PMM2: variants seen among roughly 807,000 people sequenced by gnomAD.
PMM2 encodes mannose-6-phosphate isomerase.
PMM2 carries 35 observed loss-of-function variants against 33.2 expected under a neutral mutation model. The observed-to-expected ratio is 1.06, with a 90% CI of 0.81 to 1.40. PMM2 has a LOEUF of 1.40. Among genes scored for constraint, PMM2 ranks in the 40% most tolerant of loss-of-function variants. The pLI is 0.00. For synonymous variants in PMM2, 153 were observed against 114.7 expected (o/e 1.33, Z -2.13); for missense variants, 386 against 306.0 (o/e 1.26, Z -1.95).
intron 7 of PMM2, among the ~76,000 whole-genome samples, chr16:8,845,055 C>T (rs1438449358): frequency 1.3e-5 from 2 of 152,182 alleles, no homozygotes; most frequent in Admixed American, 1.3e-4. Flanking sequence ...GAAGAGACCA[C>T]CAAACAGGCT....
At chr16:8,812,952 T>C in intron 6 of PMM2, 39 bp from the exon 7 acceptor site, 1 of 1,134,928 alleles carries the variant, frequency 8.8e-7, no homozygotes, top group African/African-American at 1.5e-5. Flanking sequence ...AGCCCCTTTT[T>C]CACCTTTTGC....
intron 7 of PMM2, among the ~76,000 whole-genome samples, chr16:8,830,528 T>C (rs929417031): frequency 1.3e-5 from 2 of 151,990 alleles, no homozygotes; most frequent in East Asian, 3.9e-4. Flanking sequence ...GGGGTAGAAG[T>C]GAGTTTTTCT....
intron 1 of PMM2, among the ~76,000 whole-genome samples, 178 bp from the exon 2 acceptor site, chr16:8,801,621 A>G (rs1197953606): frequency 1.3e-5 from 2 of 152,198 alleles, no homozygotes; most frequent in Non-Finnish European, 2.9e-5. Context: ...GCGATGAGCT[A>G]TGACCATGCC....
chr16:8,811,182 C>T lies in PMM2; in HGVS notation c.447+4C>T, dbSNP rs537238935. The T allele has an allele frequency of 3.6e-5, 55 of 1,533,312 alleles. No homozygotes were observed. The East Asian group carries it at 1.1e-3, about 31-fold the overall frequency. The allele number at this position is 1,533,312 out of a possible 1,614,324, so 95.0% of individuals were successfully genotyped here. A position where few individuals can be genotyped will look rare whatever the true frequency, so the allele number is the denominator to read the frequency against. ...TGAGTTCTACGAACTCGATAAAGTA[C>T]GTCTTTCTGAAATATCTTTGGTGAA... On this transcript the variant is annotated splice_donor_region_variant and intron_variant, in intron 5 of 7. Transcript: ENST00000268261.
intron 7 of PMM2, among the ~76,000 whole-genome samples, chr16:8,844,114 G>A (rs2673866): frequency 0.47 from 71,055 of 151,878 alleles, 17,083 homozygotes; most frequent in African/African-American, 0.56. Flanking sequence ...TGAAAGTGCC[G>A]TTTTCTGGCT....
intron 7 of PMM2, among the ~76,000 whole-genome samples, chr16:8,826,300 A>C (rs145074250): frequency 2.0e-5 from 3 of 152,326 alleles, no homozygotes; most frequent in African/African-American, 7.2e-5. Flanking sequence ...TCTCTTTTAA[A>C]AAAACCCATA....
chr16:8,803,678 A>T (rs1243259862), intron 2 of PMM2, among the ~76,000 whole-genome samples: 2 of 152,094 alleles, frequency 1.3e-5, no homozygotes, highest in African/African-American at 4.8e-5. Flanking sequence ...AGCTTTTTTT[A>T]AAATTTATTT....
rs536124938 is a variant in PMM2 at position 8,847,714 on chromosome 16, G to A, written c.640-10G>A. On this transcript the variant is annotated splice_polypyrimidine_tract_variant and intron_variant, in intron 7 of 7. Coordinates refer to ENST00000268261, the MANE Select transcript of PMM2 (RefSeq NM_000303.3). ...GGGGGAGCCTTCATCTGTACTTCGT[G>A]TCTTTCCAGGGTGGCAATGACCATG... is the stretch of plus-strand genomic sequence containing the variant. 1.2e-6 allele frequency: 2 copies of A among 1,604,688 alleles called. No homozygotes were observed. The highest frequency in any genetic ancestry group is 1.3e-5 in the African/African-American group (1 of 74,864).
intron 7 of PMM2, among the ~76,000 whole-genome samples, chr16:8,817,463 A>G (rs1371158694): frequency 6.6e-6 from 1 of 152,234 alleles, no homozygotes; most frequent in Non-Finnish European, 1.5e-5. Context: ...TTGTTCTGTA[A>G]TGATGACATT....
intron 7 of PMM2, among the ~76,000 whole-genome samples, chr16:8,844,159 A>G (rs2060908447): frequency 1.3e-5 from 2 of 152,212 alleles, no homozygotes; most frequent in South Asian, 2.1e-4. Flanking sequence ...ATTGGGGTCA[A>G]GCGGCATTGC....
intron 7 of PMM2, among the ~76,000 whole-genome samples, chr16:8,845,125 A>G (rs557310065): frequency 1.9e-4 from 29 of 152,338 alleles, no homozygotes; most frequent in Non-Finnish European, 3.7e-4. Context: ...GTCCGAAAAG[A>G]GAGTCGGCAA....
intron 5 of PMM2, 31 bp from the exon 6 acceptor site, chr16:8,811,607 G>T (rs1410916227): frequency 1.4e-6 from 2 of 1,410,072 alleles, no homozygotes; most frequent in Non-Finnish European, 2.0e-6. Flanking sequence ...TGCAATACAA[G>T]AAACAATTGG....
At chr16:8,836,327 G>A (rs574713164) in intron 7 of PMM2, among the ~76,000 whole-genome samples, 2 of 152,168 alleles carry the variant, frequency 1.3e-5, no homozygotes, top group South Asian at 4.1e-4. Flanking sequence ...AGAGCCTTGG[G>A]CCAGAGTTCC....
intron 7 of PMM2, among the ~76,000 whole-genome samples, chr16:8,837,437 G>T (rs1347698258): frequency 2.6e-5 from 4 of 151,914 alleles, no homozygotes; most frequent in Non-Finnish European, 5.9e-5. Context: ...AAGAACACAG[G>T]CTAAGGGAGA....
intron 7 of PMM2, among the ~76,000 whole-genome samples, chr16:8,823,786 G>A (rs1232096066): frequency 6.6e-6 from 1 of 152,180 alleles, no homozygotes; most frequent in African/African-American, 2.4e-5. Context: ...AAAAGTGACG[G>A]TCTTTATTTA....
chr16:8,801,757 T>G, intron 1 of PMM2, 42 bp from the exon 2 acceptor site: 2 of 1,203,856 alleles, frequency 1.7e-6, no homozygotes, highest in Non-Finnish European at 2.4e-6. Flanking sequence ...TCCTGATTAT[T>G]GTGTGGCTTA....
intron 7 of PMM2, chr16:8,832,094 T>A (rs2060813202): frequency 1.0e-6 from 1 of 968,860 alleles, no homozygotes; most frequent in African/African-American, 1.8e-5. Context: ...TTCATTTCAT[T>A]TGGGGTCCGC....
chr16:8,845,795 C>CTTTTTTT (rs5815503), intron 7 of PMM2, among the ~76,000 whole-genome samples: 1 of 140,020 alleles, frequency 7.1e-6, no homozygotes, highest in African/African-American at 2.7e-5. Flanking sequence ...TGAAAGAAAT[C>CTTTTTTT]TTTTTTTTTT....
At chr16:8,847,075 G>T (rs2060930642) in intron 7 of PMM2, among the ~76,000 whole-genome samples, 1 of 152,042 alleles carries the variant, frequency 6.6e-6, no homozygotes, top group Non-Finnish European at 1.5e-5. Context: ...TGTTAGCCAG[G>T]TTGGTCTCAA....
Sources: allele counts gnomAD v4.1 joint callset (sites outside exome capture counted in the v4.1 genomes callset), GRCh38; gene constraint gnomAD v4.1.1; transcripts MANE v1.5; gene names NCBI Gene and HGNC (gene_info 2026-07-23, HGNC 2026-07-21).